The following MGAT1 variants were observed in gnomAD, a reference collection of about 807,000 sequenced individuals.
MGAT1 encodes the protein alpha-1,3-mannosyl-glycoprotein 2-beta-N-acetylglucosaminyltransferase.
A neutral mutation model predicts 31.7 loss-of-function variants in MGAT1; 14 were observed. That is an observed-to-expected ratio of 0.44 (90% CI 0.29 to 0.69). The LOEUF is 0.69. Ranked by LOEUF, MGAT1 falls within the 30% of genes least tolerant of loss-of-function variation. MGAT1 has a pLI of 0.12. For synonymous variants in MGAT1, 338 were observed against 276.0 expected (o/e 1.22, Z -2.23); for missense variants, 557 against 626.0 (o/e 0.89, Z 1.18).
chr5:180,807,023 G>A (rs1359004174), upstream of MGAT1, among the ~76,000 whole-genome samples: 1 of 152,248 alleles, frequency 6.6e-6, no homozygotes. Context: ...CAGCTCGGGA[G>A]CAGCAGCTCC....
intron 1 of MGAT1, among the ~76,000 whole-genome samples, chr5:180,798,667 G>GT (rs1770031717): frequency 6.6e-6 from 1 of 152,210 alleles, no homozygotes; most frequent in Admixed American, 6.5e-5. Flanking sequence ...TCAATTGGCA[G>GT]TAAAACCTCA....
intron 1 of MGAT1, among the ~76,000 whole-genome samples, chr5:180,799,704 C>T (rs1770304782): frequency 6.6e-6 from 1 of 152,196 alleles, no homozygotes; most frequent in Admixed American, 6.5e-5. Context: ...GAGATGACCG[C>T]ACATATCCCA....
chr5:180,805,884 G>A (rs959113011), upstream of MGAT1, among the ~76,000 whole-genome samples: 5 of 152,142 alleles, frequency 3.3e-5, no homozygotes, highest in African/African-American at 7.2e-5. Flanking sequence ...AGGTCAAAGA[G>A]GAAAGATTAA....
At position 180,791,382 on chromosome 5, in the gene MGAT1, C is replaced by A; in HGVS notation, c.*252G>T. On this transcript the variant is annotated 3_prime_UTR_variant, in exon 2 of 2. Transcript: ENST00000307826. The stretch of plus-strand genomic sequence containing the variant: ...ATTTCTGGCCCCAACAAGCCCAGTG[C>A]CCCCCACCACACAGTGGTTTCCTGC... The A allele has an allele frequency of 3.6e-6, 2 of 561,998 alleles. No individual in the cohort carries two copies. Among genetic ancestry groups the A allele is most frequent in the Non-Finnish European group, 6.3e-6 (2 of 318,758 alleles). 34.8% of individuals were successfully genotyped at this position (561,998 alleles called of 1,614,324 possible). A position where few individuals can be genotyped will look rare whatever the true frequency, so the allele number is the denominator to read the frequency against.
In MGAT1 at chr5:180,792,865, C is replaced by T. The variant is rs1410884962; in HGVS notation, c.107G>A (p.Arg36Lys). ...LFFWTRPAPG[R>K]PPSVSALDGD... ...ATCGAGAGCGCTGACTGAGGGTGGC[C>T]TGCCAGGTGCTGGGCGCGTCCAGAA... The change falls in exon 2 of 2, where the codon AGG becomes AAG. Residue 36 changes from arginine (R) to lysine (K), a missense_variant. This residue lies in a region of MGAT1 where 167 missense variants were observed against 149.8 expected (regional missense o/e 1.11). Transcript: ENST00000307826. The T allele has an allele frequency of 6.3e-7, 1 of 1,580,462 alleles. No individual in the cohort carries two copies.
In MGAT1 at chr5:180,792,782, C is replaced by A; in HGVS notation, c.190G>T (p.Glu64Ter). 6.4e-7 allele frequency: 1 copy of A among 1,550,818 alleles called. No individual in the cohort carries two copies. Reference sequence around the variant, plus strand: ...AGCAGCCCACGCTGCCGCTCCAGCTCCACCTCGGCGTCTTGGGCCAGGCGA... The same window carrying A: ...AGCAGCCCACGCTGCCGCTCCAGCTACACCTCGGCGTCTTGGGCCAGGCGA... ...VIRLAQDAEVELERQRGLLQQ... is the reference protein window; with the variant it reads ...VIRLAQDAEV Residue 64 changes from glutamate to a stop codon, truncating the protein, a stop_gained, in exon 2 of 2, where the codon GAG (glutamate) becomes TAG (stop). Coordinates refer to ENST00000307826, the MANE Select transcript of MGAT1 (RefSeq NM_002406.4). LOFTEE classifies it high-confidence loss of function.
At position 180,796,887 on chromosome 5, in the gene MGAT1, C is replaced by CCCAGA. The variant is rs1769515375; in HGVS notation, c.-126-3791_-126-3790insTCTGG. ...TCAGCCTCCCAAAGTGCTGGGATTA[C>CCCAGA]AGGTGTGAGCCACTGGGCCCAGAAG... is the stretch of plus-strand genomic sequence containing the variant. On this transcript the variant is annotated intron_variant, in intron 1 of 1. Transcript: ENST00000307826. Among the ~76,000 whole-genome samples, 9 of 152,298 alleles carry CCCAGA rather than the reference C, an allele frequency of 5.9e-5. No homozygotes were observed. The South Asian group carries it at 1.9e-3, about 32-fold the overall frequency.
chr5:180,809,447 G>C (rs1246831758), intron 1 of MGAT1: 1 of 152,068 alleles, frequency 6.6e-6, no homozygotes, highest in Non-Finnish European at 1.5e-5. Context: ...CCTGTCTAAA[G>C]CGCAACATAA....
intron 1 of MGAT1, chr5:180,809,196 T>C (rs1461678336): frequency 2.6e-5 from 4 of 152,168 alleles, no homozygotes; most frequent in Non-Finnish European, 5.9e-5. Flanking sequence ...TCAAAACACC[T>C]TCGTTAAACA....
Position 180,792,371 on chromosome 5 carries a change from G to C in MGAT1, c.601C>G (p.Arg201Gly), listed in dbSNP as rs756554434. Residue 201 changes from arginine (R) to glycine (G), a missense_variant, in exon 2 of 2, where the codon CGC becomes GGC. This residue lies in a region of MGAT1 where 245 missense variants were observed against 332.9 expected (regional missense o/e 0.74). Transcript: ENST00000307826. ...WALGQVFRQF[R>G]FPAAVVVEDD... ...TCCACCACCACGGCCGCGGGGAAGC[G>C]AAACTGCCGGAAGACCTGGCCCAGC... 8.7e-6 allele frequency: 14 copies of C among 1,610,888 alleles called. No individual in the cohort carries two copies. Among genetic ancestry groups the C allele is most frequent in the Admixed American group, 1.7e-5 (1 of 59,926 alleles).
At chr5:180,810,677 C>T (rs886444677) in intron 1 of MGAT1, 2 of 124,218 alleles carry the variant, frequency 1.6e-5, no homozygotes, top group Admixed American at 7.6e-5. Context: ...TGACCCCCCC[C>T]CTCCGCCCCA....
rs1410889783 is a variant in MGAT1, at chr5:180,786,043, C to T, written c.*5591G>A. 6.6e-6 allele frequency: 1 copy of T among 152,310 alleles called. No individual in the cohort carries two copies. Among genetic ancestry groups the T allele is most frequent in the African/African-American group, 2.4e-5 (1 of 41,472 alleles). 9.4% of individuals were successfully genotyped at this position (152,310 alleles called of 1,614,324 possible). A position where few individuals can be genotyped will look rare whatever the true frequency, so the allele number is the denominator to read the frequency against. On this transcript the variant is annotated 3_prime_UTR_variant, in exon 2 of 2. Transcript: ENST00000307826. ...CCATAAAGAATGAGGCTTGCCCTCC[C>T]TTCCCCTCTCCTGCTTCCTGGTAGC...
chr5:180,804,385 C>A (rs975712335), upstream of MGAT1, among the ~76,000 whole-genome samples: 1 of 152,234 alleles, frequency 6.6e-6, no homozygotes. Context: ...CAGGCGCTGC[C>A]GTGAAGCCTC....
At chr5:180,793,377 G>A (rs763877568) in intron 1 of MGAT1, among the ~76,000 whole-genome samples, 46 of 152,158 alleles carry the variant, frequency 3.0e-4, no homozygotes, top group Non-Finnish European at 5.7e-4. Flanking sequence ...TGGGAAGGAG[G>A]AGGGGAGGGG....
At chr5:180,796,377 G>A (rs192831505) in intron 1 of MGAT1, among the ~76,000 whole-genome samples, 475 of 152,216 alleles carry the variant, frequency 3.1e-3, no homozygotes, top group South Asian at 0.011. Context: ...CCATGTAACT[G>A]TGCAATTAAA....
upstream of MGAT1, among the ~76,000 whole-genome samples, chr5:180,807,066 G>A (rs1771974841): frequency 6.6e-6 from 1 of 152,150 alleles, no homozygotes; most frequent in Admixed American, 6.5e-5. Flanking sequence ...CAAGCCGCTG[G>A]AGGGAGTGAG....
Position 180,789,646 on chromosome 5 carries a change from G to C in MGAT1, c.*1988C>G, listed in dbSNP as rs748950229. The C allele has an allele frequency of 6.8e-6, 1 of 147,810 alleles. No individual in the cohort carries two copies. The highest frequency in any genetic ancestry group is 1.5e-5 in the Non-Finnish European group (1 of 66,844). 9.2% of individuals were successfully genotyped at this position (147,810 alleles called of 1,614,324 possible). A position where few individuals can be genotyped will look rare whatever the true frequency, so the allele number is the denominator to read the frequency against. On this transcript the variant is annotated 3_prime_UTR_variant, in exon 2 of 2. Coordinates refer to ENST00000307826, the MANE Select transcript of MGAT1 (RefSeq NM_002406.4). ...GTCACAAAAAGCGTTTTGTTTTTCC[G>C]AGACAGAGTCTTGCTCTGTCGCCCA...
At chr5:180,809,116 A>G (rs1772249127) in intron 1 of MGAT1, 1 of 152,110 alleles carries the variant, frequency 6.6e-6, no homozygotes, top group African/African-American at 2.4e-5. Context: ...TCTAATCTAG[A>G]TACCCAAATA....
At position 180,792,755 on chromosome 5, in the gene MGAT1, G is replaced by A; in HGVS notation, c.217C>T (p.Gln73Ter). The A allele has an allele frequency of 6.5e-7, 1 of 1,548,118 alleles. No homozygotes were observed. The highest frequency in any genetic ancestry group is 8.7e-7 in the Non-Finnish European group (1 of 1,146,998). ...CTCGACAGGGCATCCCCGATCTGCTGCAGCAGCCCACGCTGCCGCTCCAGC... is the reference window on the plus strand; with the variant it reads ...CTCGACAGGGCATCCCCGATCTGCTACAGCAGCCCACGCTGCCGCTCCAGC... ...VELERQRGLLQQIGDALSSQR... is the reference protein window; with the variant it reads ...VELERQRGLL The change falls in exon 2 of 2, where the codon CAG (glutamine) becomes TAG (stop). Residue 73 changes from glutamine to a stop codon, truncating the protein, a stop_gained. Transcript: ENST00000307826. LOFTEE classifies it high-confidence loss of function.
Sources: allele counts gnomAD v4.1 joint callset (sites outside exome capture counted in the v4.1 genomes callset), GRCh38; gene constraint gnomAD v4.1.1; regional missense constraint gnomAD v4.1.1; transcripts MANE v1.5; gene names NCBI Gene and HGNC (gene_info 2026-07-23, HGNC 2026-07-21).